The following MGMT variants were observed in gnomAD, a reference collection of about 807,000 sequenced individuals.
MGMT encodes the protein O-6-methylguanine-DNA methyltransferase.
In MGMT, 14 loss-of-function variants were observed where a neutral mutation model predicts 15.9. The ratio of observed to expected loss-of-function variants is 0.88; its 90% CI spans 0.58 to 1.37. The LOEUF is 1.37. Among genes scored for constraint, MGMT ranks in the 40% most tolerant of loss-of-function variants. The probability of loss-of-function intolerance (pLI) is 0.00; values close to 1 mark genes in which losing one functional copy is unlikely to be tolerated. For synonymous variants in MGMT, 130 were observed against 118.2 expected (o/e 1.10, Z -0.65); for missense variants, 282 against 268.1 (o/e 1.05, Z -0.36).
intron 2 of MGMT, among the ~76,000 whole-genome samples, chr10:129,681,535 A>G (rs1320171762): frequency 2.0e-5 from 3 of 152,226 alleles, no homozygotes; most frequent in Middle Eastern, 3.2e-3. Flanking sequence ...TTTGCTCTGC[A>G]AAAGGTCTTG....
intron 3 of MGMT, among the ~76,000 whole-genome samples, chr10:129,738,905 A>T (rs1322786009): frequency 6.6e-6 from 1 of 152,232 alleles, no homozygotes. Context: ...AAAATCTTCA[A>T]TAAAATGCTG....
chr10:129,749,724 G>T (rs866089805), intron 3 of MGMT, among the ~76,000 whole-genome samples: 30 of 152,252 alleles, frequency 2.0e-4, no homozygotes, highest in African/African-American at 7.2e-4. Context: ...TTACCATTTT[G>T]CATTCCCATC....
intron 1 of MGMT, among the ~76,000 whole-genome samples, chr10:129,479,846 A>G (rs1845338024): frequency 6.6e-6 from 1 of 152,066 alleles, no homozygotes; most frequent in African/African-American, 2.4e-5. Flanking sequence ...GGGGGTCCTC[A>G]CATTGTTTGG....
At chr10:129,552,539 G>T (rs1007736868) in intron 2 of MGMT, among the ~76,000 whole-genome samples, 2 of 152,220 alleles carry the variant, frequency 1.3e-5, no homozygotes, top group African/African-American at 4.8e-5. Flanking sequence ...ATTTCTCCAT[G>T]AGGACTGAGC....
chr10:129,579,231 G>A (rs1334176577), intron 2 of MGMT, among the ~76,000 whole-genome samples: 1 of 152,212 alleles, frequency 6.6e-6, no homozygotes, highest in African/African-American at 2.4e-5. Flanking sequence ...TCAAACATGA[G>A]ATTACACGGA....
chr10:129,673,450 T>C (rs1847748936), intron 2 of MGMT, among the ~76,000 whole-genome samples: 1 of 152,230 alleles, frequency 6.6e-6, no homozygotes, highest in Non-Finnish European at 1.5e-5. Context: ...AACTTTATTT[T>C]AGTCTCTGTG....
rs1846353529 is a variant in MGMT at position 129,566,294 on chromosome 10, A to G, written c.125+29917A>G. ...CGAGCACAAGCCTTGGGCAGAGGTG[A>G]GGCAGAGCTCTGACTGTTTCATTCG... On this transcript the variant is annotated intron_variant, in intron 2 of 4. Coordinates refer to ENST00000651593, the MANE Select transcript of MGMT (RefSeq NM_002412.5). This position sits in a 1 kb window ranked among gnomAD's most constrained non-coding sequence, Gnocchi z 4.1. Among the ~76,000 whole-genome samples the G allele has an allele frequency of 6.6e-6, 1 of 152,128 alleles. No individual in the cohort carries two copies. The highest frequency in any genetic ancestry group is 2.4e-5 in the African/African-American group (1 of 41,428).
chr10:129,676,590 C>G (rs1019218837), intron 2 of MGMT, among the ~76,000 whole-genome samples: 9 of 152,192 alleles, frequency 5.9e-5, no homozygotes, highest in Non-Finnish European at 1.2e-4. Flanking sequence ...GAGCCTGCAG[C>G]TGGAAGAACA....
chr10:129,467,442 G>A (rs1211980196), intron 1 of MGMT, 146 bp downstream of exon 1: 5 of 1,373,432 alleles, frequency 3.6e-6, no homozygotes, highest in Non-Finnish European at 4.7e-6. Context: ...CGAGCTCCAG[G>A]TGCGCCCCAA....
intron 1 of MGMT, among the ~76,000 whole-genome samples, chr10:129,510,413 TGAG>T (rs1845669247): frequency 6.6e-6 from 1 of 151,974 alleles, no homozygotes; most frequent in South Asian, 2.1e-4. Flanking sequence ...CGGGTGCCCT[TGAG>T]GAAGGGTTTT....
intron 1 of MGMT, among the ~76,000 whole-genome samples, chr10:129,528,317 C>T (rs1845892518): frequency 6.6e-6 from 1 of 150,922 alleles, no homozygotes; most frequent in Admixed American, 6.6e-5. Context: ...TGGAGAGCTG[C>T]AGTGGTATAG....
intron 2 of MGMT, among the ~76,000 whole-genome samples, chr10:129,695,741 G>A (rs1418701803): frequency 6.6e-6 from 1 of 152,132 alleles, no homozygotes; most frequent in Admixed American, 6.5e-5. Flanking sequence ...TAATAGAGAC[G>A]ACAAATCAGA....
intron 3 of MGMT, among the ~76,000 whole-genome samples, chr10:129,742,320 C>T (rs985557061): frequency 6.6e-6 from 1 of 152,228 alleles, no homozygotes; most frequent in African/African-American, 2.4e-5. Flanking sequence ...CTCTACCATC[C>T]GCAGGAAAAT....
intron 1 of MGMT, among the ~76,000 whole-genome samples, chr10:129,488,297 A>G (rs376101906): frequency 6.6e-6 from 1 of 152,160 alleles, no homozygotes; most frequent in East Asian, 1.9e-4. Context: ...CCTGTCTCAT[A>G]GTGATCTTAA....
At chr10:129,581,376 C>T (rs1050679782) in intron 2 of MGMT, among the ~76,000 whole-genome samples, 4 of 152,146 alleles carry the variant, frequency 2.6e-5, no homozygotes, top group East Asian at 1.9e-4. Context: ...GCCATTCCTC[C>T]GGTGGCAGTC....
At chr10:129,520,702 A>G (rs940090561) in intron 1 of MGMT, among the ~76,000 whole-genome samples, 2 of 150,186 alleles carry the variant, frequency 1.3e-5, no homozygotes, top group Admixed American at 6.6e-5. Context: ...CAGAACCCCT[A>G]CGGTGAGGGT....
chr10:129,658,681 C>T (rs528638563), intron 2 of MGMT, among the ~76,000 whole-genome samples: 4 of 152,306 alleles, frequency 2.6e-5, no homozygotes, highest in Admixed American at 6.5e-5. Flanking sequence ...AAATTATCTT[C>T]GCAAGAAAGT....
chr10:129,698,021 C>T (rs766075786), intron 2 of MGMT, among the ~76,000 whole-genome samples: 5 of 152,164 alleles, frequency 3.3e-5, no homozygotes, highest in Non-Finnish European at 7.4e-5. Flanking sequence ...CTTTTGTGGA[C>T]GTGGACGTTG....
chr10:129,607,740 G>A lies in MGMT; in HGVS notation c.125+71363G>A, dbSNP rs151155115. Among the ~76,000 whole-genome samples the A allele has an allele frequency of 2.3e-3, 353 of 152,338 alleles. 2 individuals are homozygous for A. The highest frequency in any genetic ancestry group is 8.1e-3 in the African/African-American group (336 of 41,576). Reference sequence around the variant, plus strand: ...ACAGCTGCTCACCATGGTCCAGTGCGAATTTCTGATGAAATTACAGGTGCA... The same window carrying A: ...ACAGCTGCTCACCATGGTCCAGTGCAAATTTCTGATGAAATTACAGGTGCA... On this transcript the variant is annotated intron_variant, in intron 2 of 4. Transcript: ENST00000651593.
Sources: gnomAD v4.1 joint callset for allele counts (sites outside exome capture counted in the v4.1 genomes callset) on GRCh38, gnomAD v4.1.1 for gene constraint, Gnocchi (gnomAD v3.1) non-coding constraint, MANE v1.5 for transcripts, NCBI Gene and HGNC (gene_info 2026-07-23, HGNC 2026-07-21) for gene names.